The following LIMS1 variants were observed in gnomAD, a reference collection of about 807,000 sequenced individuals.
The protein encoded by LIMS1 is LIM and senescent cell antigen-like-containing domain protein 1.
Under a neutral mutation model 44.1 loss-of-function variants are expected in LIMS1, and 18 were observed. The ratio of observed to expected loss-of-function variants is 0.41; its 90% confidence interval spans 0.28 to 0.61. The LOEUF (loss-of-function observed/expected upper bound fraction) is 0.61, where lower values mean the gene tolerates loss of function less well. Among genes scored for constraint, LIMS1 ranks in the 20% least tolerant of loss-of-function variants. The pLI, the probability that LIMS1 is intolerant of heterozygous loss-of-function variation, is 0.32. For missense variants in LIMS1, 201 were observed against 422.0 expected (o/e 0.48, Z 4.59); for synonymous variants, 93 against 149.1 (o/e 0.62, Z 2.74).
chr2:108,585,605 T>A (rs1248617810), intron 1 of LIMS1, among the ~76,000 whole-genome samples: 2 of 152,036 alleles, frequency 1.3e-5, no homozygotes, highest in African/African-American at 4.8e-5. Flanking sequence ...AGGGAGAATG[T>A]GCGCAATGAG....
chr2:108,621,416 G>C (rs1161487423), intron 1 of LIMS1: 4 of 1,551,036 alleles, frequency 2.6e-6, no homozygotes, highest in Non-Finnish European at 3.5e-6. Flanking sequence ...AGACGAGATC[G>C]CCCCGATAGT....
intron 1 of LIMS1, among the ~76,000 whole-genome samples, chr2:108,569,694 C>T (rs1367699407): frequency 6.6e-6 from 1 of 150,962 alleles, no homozygotes; most frequent in Non-Finnish European, 1.5e-5. Context: ...CACCTAGGCT[C>T]AAGGAATCCT....
chr2:108,619,442 G>C (rs1225962225), intron 1 of LIMS1, among the ~76,000 whole-genome samples: 3 of 151,876 alleles, frequency 2.0e-5, no homozygotes, highest in African/African-American at 7.3e-5. Flanking sequence ...CCAGCAATTT[G>C]GGAGGCCGAG....
chr2:108,668,873 TGTA>T (rs1402897533), intron 2 of LIMS1, among the ~76,000 whole-genome samples: 2 of 152,224 alleles, frequency 1.3e-5, no homozygotes, highest in Non-Finnish European at 2.9e-5. Context: ...CACATTATAA[TGTA>T]GTATGGCATA....
At chr2:108,647,389 A>G (rs1187906424) in intron 1 of LIMS1, among the ~76,000 whole-genome samples, 1 of 152,224 alleles carries the variant, frequency 6.6e-6, no homozygotes, top group Non-Finnish European at 1.5e-5. Context: ...CAGAGGTACA[A>G]AGAGGAGCTG....
exon 6 of LIMS1, chr2:108,675,901 G>A (rs1324676493): frequency 7.4e-6 from 12 of 1,613,856 alleles, no homozygotes; most frequent in African/African-American, 2.7e-5. Context: ...GCCGATGCAC[G>A]GGAGCTGAAA....
chr2:108,609,382 A>G (rs1462514004), intron 1 of LIMS1, among the ~76,000 whole-genome samples: 1 of 151,986 alleles, frequency 6.6e-6, no homozygotes, highest in African/African-American at 2.4e-5. Context: ...CCGGAATTCT[A>G]ACCTTGTGTG....
rs188063523 is a variant in LIMS1, at chr2:108,650,331, C to T, written c.33-9274C>T. 4.6e-5 allele frequency among the ~76,000 whole-genome samples: 7 copies of T among 152,238 alleles called. No individual in the cohort carries two copies. In the East Asian group the frequency reaches 9.7e-4, roughly 21 times the overall value. ...AAATAACATATTTCTTTTAGCTTTA[C>T]TCTGTTGTAGCTAAATAAGATAAGT... On this transcript the variant is annotated intron_variant, in intron 1 of 9. Transcript: ENST00000544547.
At chr2:108,588,690 C>G in intron 1 of LIMS1, 4 of 795,100 alleles carry the variant, frequency 5.0e-6, no homozygotes, top group Non-Finnish European at 6.1e-6. Context: ...ATTTAAGAAG[C>G]AAATCTAAAG....
intron 1 of LIMS1, among the ~76,000 whole-genome samples, chr2:108,618,985 TGTTTCAGCTC>T (rs142296835): frequency 0.056 from 8,592 of 152,190 alleles, 251 homozygotes; most frequent in African/African-American, 0.07. Flanking sequence ...GGGCAAGAAT[TGTTTCAGCTC>T]GTTTGTTTTA....
chr2:108,621,505 CTAG>C, intron 1 of LIMS1: 2 of 1,377,042 alleles, frequency 1.5e-6, no homozygotes, highest in Non-Finnish European at 2.0e-6. Flanking sequence ...GACATCTAAT[CTAG>C]TAAGTGCAGT....
chr2:108,672,791 A>C, intron 4 of LIMS1, 89 bp from the exon 5 acceptor site: 1 of 428,304 alleles, frequency 2.3e-6, no homozygotes, highest in Non-Finnish European at 3.8e-6. Flanking sequence ...TGGTTTGTTT[A>C]ATTTCTTTTC....
intron 1 of LIMS1, among the ~76,000 whole-genome samples, chr2:108,570,538 G>A (rs975880794): frequency 6.6e-6 from 1 of 152,116 alleles, no homozygotes; most frequent in Admixed American, 6.5e-5. Flanking sequence ...TCGTGGGGGA[G>A]GAAACCTTTT....
chr2:108,573,235 A>G (rs1047311363), intron 1 of LIMS1, among the ~76,000 whole-genome samples: 3 of 151,614 alleles, frequency 2.0e-5, no homozygotes, highest in Non-Finnish European at 4.4e-5. Context: ...TGATTACAAC[A>G]TTTTGTGATT....
At chr2:108,541,590 CGCCTGGAATTT>C (rs1684318971) in intron 1 of LIMS1, among the ~76,000 whole-genome samples, 1 of 152,210 alleles carries the variant, frequency 6.6e-6, no homozygotes, top group Non-Finnish European at 1.5e-5. Context: ...CAAACTCCAG[CGCCTGGAATTT>C]AAGGCTGTTT....
chr2:108,611,015 A>G (rs543772191), intron 1 of LIMS1, among the ~76,000 whole-genome samples: 1 of 152,138 alleles, frequency 6.6e-6, no homozygotes, highest in South Asian at 2.1e-4. Context: ...AGGATACCAC[A>G]TTGTGTTTAG....
intron 1 of LIMS1, among the ~76,000 whole-genome samples, chr2:108,541,711 G>C (rs1245720347): frequency 6.6e-6 from 1 of 152,098 alleles, no homozygotes; most frequent in African/African-American, 2.4e-5. Context: ...ATGATTTCCT[G>C]CCTCAGTGCT....
At chr2:108,594,994 T>A (rs1236266659) in intron 1 of LIMS1, among the ~76,000 whole-genome samples, 1 of 152,178 alleles carries the variant, frequency 6.6e-6, no homozygotes, top group Non-Finnish European at 1.5e-5. Flanking sequence ...CAGCTTCACC[T>A]GAGATGGAAA....
At chr2:108,586,691 C>T (rs1278945725) in intron 1 of LIMS1, among the ~76,000 whole-genome samples, 1 of 152,138 alleles carries the variant, frequency 6.6e-6, no homozygotes, top group Non-Finnish European at 1.5e-5. Flanking sequence ...ATCCAGTTTC[C>T]TTCCTTTAGA....
Sources: allele counts gnomAD v4.1 joint callset (sites outside exome capture counted in the v4.1 genomes callset), GRCh38; gene constraint gnomAD v4.1.1; transcripts MANE v1.5; gene names NCBI Gene and HGNC (gene_info 2026-07-23, HGNC 2026-07-21).